The following RPN2 variants were observed in gnomAD, a reference collection of about 807,000 sequenced individuals.
RPN2 encodes the protein ribophorin II.
RPN2 carries 29 observed loss-of-function variants against 71.4 expected under a neutral mutation model. That is an observed-to-expected ratio of 0.41 (90% confidence interval 0.30 to 0.55). RPN2 has a LOEUF of 0.55. RPN2 is among the 20% of genes least tolerant of loss of function. The probability of loss-of-function intolerance (pLI) is 0.35; values close to 1 mark genes in which losing one functional copy is unlikely to be tolerated. For synonymous variants in RPN2, 308 were observed against 305.0 expected (o/e 1.01, Z -0.10); for missense variants, 726 against 774.1 (o/e 0.94, Z 0.74).
chr20:37,214,576 T>G (rs1440542344), intron 9 of RPN2, among the ~76,000 whole-genome samples: 4 of 152,220 alleles, frequency 2.6e-5, no homozygotes, highest in Non-Finnish European at 4.4e-5. Context: ...AGATGGTTTC[T>G]TTGTCTTTCA....
Position 37,213,834 on chromosome 20 carries a change from G to A in RPN2, c.1061G>A (p.Gly354Asp). 1.9e-6 allele frequency: 3 copies of A among 1,613,992 alleles called. No individual in the cohort carries two copies. Among genetic ancestry groups the A allele is most frequent in the Non-Finnish European group, 2.5e-6 (3 of 1,179,862 alleles). ...GYYDFLVEVE[G>D]DNRYIANTVE... is the part of the protein sequence containing the mutation. The stretch of plus-strand genomic sequence containing the variant: ...TATGACTTCCTTGTCGAAGTTGAAG[G>A]TGACAACCGGTATATTGCAAATACC... Residue 354 changes from glycine (G) to aspartate (D), a missense_variant, in exon 9 of 17, where the codon GGT becomes GAT. Transcript: ENST00000237530.
At chr20:37,207,951 C>T (rs1432249983) in intron 7 of RPN2, among the ~76,000 whole-genome samples, 1 of 152,136 alleles carries the variant, frequency 6.6e-6, no homozygotes, top group East Asian at 1.9e-4. Flanking sequence ...AGCCACTGTG[C>T]CTGGCCTCTC....
chr20:37,220,508 T>C (rs1219801901), intron 9 of RPN2, among the ~76,000 whole-genome samples: 1 of 152,134 alleles, frequency 6.6e-6, no homozygotes, highest in Admixed American at 6.5e-5. Context: ...AGGGGTGTTA[T>C]TACTCCCAGC....
At chr20:37,226,301 A>G (rs955808669) in intron 11 of RPN2, among the ~76,000 whole-genome samples, 3 of 152,032 alleles carry the variant, frequency 2.0e-5, no homozygotes, top group Admixed American at 2.0e-4. Context: ...TCATCTCCTG[A>G]CCTCAGGTGA....
chr20:37,184,069 C>G, intron 1 of RPN2, 111 bp from the exon 2 acceptor site: 1 of 1,309,652 alleles, frequency 7.6e-7, no homozygotes, highest in Non-Finnish European at 1.1e-6. Flanking sequence ...TGGATTCCCT[C>G]GCCCTTCCCC....
At chr20:37,231,883 A>G (rs992034319) in intron 13 of RPN2, among the ~76,000 whole-genome samples, 7 of 152,144 alleles carry the variant, frequency 4.6e-5, no homozygotes, top group African/African-American at 1.7e-4. Context: ...GGGCAGCAGC[A>G]TTTGCCAGGG....
intron 4 of RPN2, among the ~76,000 whole-genome samples, chr20:37,201,170 C>T (rs573113248): frequency 2.8e-4 from 43 of 151,528 alleles, no homozygotes; most frequent in African/African-American, 9.9e-4. Context: ...GTGTAGGAAA[C>T]GGAGTTCCTT....
chr20:37,222,818 C>T (rs999229033), intron 9 of RPN2, among the ~76,000 whole-genome samples: 5 of 152,190 alleles, frequency 3.3e-5, no homozygotes, highest in African/African-American at 9.7e-5. Context: ...TTTTCTGTCT[C>T]TTTTGGATAT....
intron 7 of RPN2, among the ~76,000 whole-genome samples, chr20:37,208,484 A>C (rs2067573888): frequency 6.6e-6 from 1 of 152,054 alleles, no homozygotes; most frequent in East Asian, 1.9e-4. Flanking sequence ...ATCATGGCCC[A>C]CTGCAGCGTA....
intron 6 of RPN2, 138 bp downstream of exon 6, chr20:37,205,039 G>T: frequency 7.8e-7 from 1 of 1,275,334 alleles, no homozygotes; most frequent in Non-Finnish European, 1.1e-6. Flanking sequence ...TAGGGATTAA[G>T]AATGAGAAAT....
At position 37,203,868 on chromosome 20, in the gene RPN2, T is replaced by C; in HGVS notation, c.480-17T>C. 6 of 1,602,774 alleles carry C rather than the reference T, an allele frequency of 3.7e-6. No homozygotes were observed. Among genetic ancestry groups the C allele is most frequent in the Non-Finnish European group, 5.1e-6 (6 of 1,169,670 alleles). The stretch of plus-strand genomic sequence containing the variant: ...CAAGACTTGCCATTCATTGGGGTTC[T>C]ACTCTTTACCTTCCAGAACAGTCCA... On this transcript the variant is annotated splice_polypyrimidine_tract_variant and intron_variant, in intron 4 of 16. Coordinates refer to ENST00000237530, the MANE Select transcript of RPN2 (RefSeq NM_002951.5).
chr20:37,240,734 A>G (rs1033644483), intron 16 of RPN2, among the ~76,000 whole-genome samples: 3 of 152,158 alleles, frequency 2.0e-5, no homozygotes, highest in African/African-American at 7.2e-5. Flanking sequence ...CCCCTTTAAC[A>G]CTTTCTGTGA....
chr20:37,228,461 T>A, intron 11 of RPN2, 89 bp from the exon 12 acceptor site: 1 of 1,305,120 alleles, frequency 7.7e-7, no homozygotes, highest in Non-Finnish European at 1.1e-6. Context: ...AAAGCGCTAA[T>A]AACCGTCTGC....
chr20:37,204,755 T>C lies in RPN2; in HGVS notation c.556-12T>C, dbSNP rs545259705. ...ACTTGACATCCAGCATATTTCTGTT[T>C]TGTTATGGCAGGACCTTGTTGCTCG... On this transcript the variant is annotated splice_polypyrimidine_tract_variant and intron_variant, in intron 5 of 16. Transcript: ENST00000237530. 9.3e-6 allele frequency: 15 copies of C among 1,614,188 alleles called. No homozygotes were observed. Among genetic ancestry groups the C allele is most frequent in the Non-Finnish European group, 1.2e-5 (14 of 1,180,030 alleles).
chr20:37,237,466 G>A (rs1476538072), intron 16 of RPN2, among the ~76,000 whole-genome samples: 4 of 152,174 alleles, frequency 2.6e-5, no homozygotes, highest in Non-Finnish European at 5.9e-5. Context: ...TATCCAGGAC[G>A]TTTGCTGGAA....
chr20:37,182,394 G>C (rs1189972828), intron 1 of RPN2, among the ~76,000 whole-genome samples: 1 of 151,916 alleles, frequency 6.6e-6, no homozygotes, highest in Non-Finnish European at 1.5e-5. Context: ...GTGCCCAGCT[G>C]TCTTTTATTT....
At chr20:37,212,768 A>G (rs975473832) in intron 8 of RPN2, among the ~76,000 whole-genome samples, 1 of 152,308 alleles carries the variant, frequency 6.6e-6, no homozygotes, top group Non-Finnish European at 1.5e-5. Context: ...GGTGTGAGCC[A>G]CTGGCCTTAT....
intron 1 of RPN2, among the ~76,000 whole-genome samples, chr20:37,181,151 C>T (rs1327402663): frequency 1.3e-5 from 2 of 151,982 alleles, no homozygotes; most frequent in Non-Finnish European, 2.9e-5. Context: ...ATCGCTTGAA[C>T]CCGGGAGGCG....
chr20:37,207,436 A>G lies in RPN2; in HGVS notation c.854A>G (p.Gln285Arg). The G allele has an allele frequency of 6.2e-7, 1 of 1,614,162 alleles. No individual in the cohort carries two copies. The highest frequency in any genetic ancestry group is 1.1e-5 in the South Asian group (1 of 91,086). ...GGCTCTGCTTCCGACACTCATGAAC[A>G]GGCTATCTTGCGGGTAAGACATCCA... ...PEGSASDTHE[Q>R]AILRLQVTNV... The change falls in exon 7 of 17, where the codon CAG becomes CGG. Residue 285 changes from glutamine to arginine, a missense_variant. Transcript: ENST00000237530.
Sources: allele counts gnomAD v4.1 joint callset (sites outside exome capture counted in the v4.1 genomes callset), GRCh38; gene constraint gnomAD v4.1.1; transcripts MANE v1.5; gene names NCBI Gene and HGNC (gene_info 2026-07-23, HGNC 2026-07-21).